NEK4: variants seen among roughly 807,000 people sequenced by gnomAD.
The protein encoded by NEK4 is serine/threonine-protein kinase Nek4.
Under a neutral mutation model 98.4 loss-of-function variants are expected in NEK4, and 86 were observed. The observed-to-expected ratio is 0.87, with a 90% CI of 0.73 to 1.05. The LOEUF is 1.05. Ranked by LOEUF, NEK4 falls within the 50% of genes least tolerant of loss-of-function variation. The pLI, the probability that NEK4 is intolerant of heterozygous loss-of-function variation, is 0.00. For missense variants in NEK4, 898 were observed against 950.3 expected (o/e 0.94, Z 0.72); for synonymous variants, 328 against 342.2 (o/e 0.96, Z 0.46).
At chr3:52,734,795 AT>A in intron 15 of NEK4, 1 of 272,290 alleles carries the variant, frequency 3.7e-6, no homozygotes. Context: ...AACTGTTGGC[AT>A]TGATGATCTG....
chr3:52,746,053 C>T lies in NEK4; in HGVS notation c.1827+8G>A, dbSNP rs2097395506. ...GTTTTTAAAAATCCAGCATATGTTCCCACAAACCTTTGATGATGACATCTC... is the reference window on the plus strand; with the variant it reads ...GTTTTTAAAAATCCAGCATATGTTCTCACAAACCTTTGATGATGACATCTC... On this transcript the variant is annotated splice_region_variant and intron_variant, in intron 10 of 15. Transcript: ENST00000233027. 6.2e-6 allele frequency: 10 copies of T among 1,612,408 alleles called. No individual in the cohort carries two copies. The highest frequency in any genetic ancestry group is 1.3e-5 in the African/African-American group (1 of 74,970).
chr3:52,729,744 C>CA (rs563723629), intron 15 of NEK4, among the ~76,000 whole-genome samples: 2,128 of 93,374 alleles, frequency 0.023, 58 homozygotes, highest in African/African-American at 0.07. Context: ...CTTGACTAGC[C>CA]AAAAAAAAAA....
At chr3:52,737,541 A>C (rs1269371699) in intron 15 of NEK4, 45 bp downstream of exon 15, 29 of 1,601,728 alleles carry the variant, frequency 1.8e-5, no homozygotes, top group Non-Finnish European at 2.4e-5. Context: ...TTGTTTAAAA[A>C]ATTCTATAAC....
At chr3:52,764,802 A>ACACACACACACACG (rs1300730448) in intron 4 of NEK4, among the ~76,000 whole-genome samples, 2 of 152,006 alleles carry the variant, frequency 1.3e-5, no homozygotes, top group African/African-American at 4.8e-5. Context: ...ACACACACAC[A>ACACACACACACACG]CACAGAGTTA....
chr3:52,722,903 G>C (rs1447045707), intron 15 of NEK4, among the ~76,000 whole-genome samples: 2 of 152,050 alleles, frequency 1.3e-5, no homozygotes, highest in African/African-American at 4.8e-5. Flanking sequence ...CTCAGAAAAA[G>C]AAAGTTATGT....
intron 7 of NEK4, among the ~76,000 whole-genome samples, chr3:52,750,771 C>A (rs1273248721): frequency 4.4e-5 from 6 of 134,900 alleles, no homozygotes. Flanking sequence ...CATCTCTCTA[C>A]AAGAAATAGA....
chr3:52,737,487 C>G, intron 15 of NEK4, 99 bp downstream of exon 15: 2 of 1,275,386 alleles, frequency 1.6e-6, no homozygotes, highest in Non-Finnish European at 2.3e-6. Flanking sequence ...GAATTATACA[C>G]TTTAGATGAG....
chr3:52,734,396 G>A (rs2097372965), intron 15 of NEK4, among the ~76,000 whole-genome samples: 1 of 145,986 alleles, frequency 6.8e-6, no homozygotes, highest in Non-Finnish European at 1.5e-5. Context: ...GTTGCGGTGA[G>A]CCAATATCAT....
intron 8 of NEK4, among the ~76,000 whole-genome samples, chr3:52,748,325 T>C (rs901022766): frequency 6.6e-6 from 1 of 152,124 alleles, no homozygotes; most frequent in African/African-American, 2.4e-5. Flanking sequence ...AATGAATGTT[T>C]ATTTGCAGTG....
chr3:52,712,913 T>C (rs2097351811), intron 15 of NEK4, among the ~76,000 whole-genome samples: 1 of 152,154 alleles, frequency 6.6e-6, no homozygotes, highest in Non-Finnish European at 1.5e-5. Flanking sequence ...GGGGTTTTTA[T>C]AGGCACAGGA....
chr3:52,713,521 A>G (rs1464141305), intron 15 of NEK4, among the ~76,000 whole-genome samples: 2 of 152,266 alleles, frequency 1.3e-5, no homozygotes, highest in Non-Finnish European at 2.9e-5. Context: ...TCAGCCAGGC[A>G]TAGTAGCTCA....
At chr3:52,734,213 G>A (rs918460346) in intron 15 of NEK4, among the ~76,000 whole-genome samples, 112 of 152,080 alleles carry the variant, frequency 7.4e-4, no homozygotes, top group Non-Finnish European at 1.4e-3. Context: ...TTGGGAGGCC[G>A]AGGCGGGTGG....
chr3:52,739,493 T>C lies in NEK4; in HGVS notation c.2235A>G (p.Thr745=). 1 of 1,614,162 alleles carries C rather than the reference T, an allele frequency of 6.2e-7. No homozygotes were observed. Among genetic ancestry groups the C allele is most frequent in the Non-Finnish European group, 8.5e-7 (1 of 1,179,982 alleles). Residue 745 remains threonine (T), a synonymous_variant, in exon 14 of 16, where the codon ACA becomes ACG. Transcript: ENST00000233027. ...EFKLHRKYRD[T]LILHGKVAEE... ...CTGCAACCTTCCCATGAAGTATCAG[T>C]GTGTCCCGATATTTCCGATGAAGTT...
At chr3:52,733,512 T>C (rs1249294260) in intron 15 of NEK4, 1 of 464,056 alleles carries the variant, frequency 2.2e-6, no homozygotes, top group African/African-American at 2.1e-5. Context: ...GAAGTCATAC[T>C]GCAGAAAAAC....
At chr3:52,732,629 A>G in intron 15 of NEK4, 1 of 318,694 alleles carries the variant, frequency 3.1e-6, no homozygotes, top group Non-Finnish European at 6.4e-6. Context: ...GAATTCTCTC[A>G]GGAGGAGTGG....
In NEK4 at chr3:52,754,591, G is replaced by T. The variant is rs573731831; in HGVS notation, c.964-2255C>A. Reference sequence around the variant, plus strand: ...AGAGAAAAGATGCTGACTCAGAAAAGCCTGAAGAACAGCACAATAAGTGTA... The same window carrying T: ...AGAGAAAAGATGCTGACTCAGAAAATCCTGAAGAACAGCACAATAAGTGTA... On this transcript the variant is annotated intron_variant, in intron 6 of 15. Coordinates refer to ENST00000233027, the MANE Select transcript of NEK4 (RefSeq NM_003157.6). 2.4e-6 allele frequency: 3 copies of T among 1,234,292 alleles called. No individual in the cohort carries two copies. In the South Asian group the frequency reaches 3.6e-5, roughly 15 times the overall value. The allele number at this position is 1,234,292 out of a possible 1,614,324, so 76.5% of individuals were successfully genotyped here. A position where few individuals can be genotyped will look rare whatever the true frequency, so the allele number is the denominator to read the frequency against.
chr3:52,756,335 T>A (rs1290037685), intron 6 of NEK4, among the ~76,000 whole-genome samples: 1 of 152,220 alleles, frequency 6.6e-6, no homozygotes, highest in African/African-American at 2.4e-5. Flanking sequence ...TCATGCCTCA[T>A]GATTTTAAAA....
intron 2 of NEK4, among the ~76,000 whole-genome samples, chr3:52,766,600 G>C (rs917876874): frequency 1.3e-5 from 2 of 152,318 alleles, no homozygotes; most frequent in East Asian, 3.9e-4. Flanking sequence ...AGAAAATTAA[G>C]TTCCATGTGT....
At chr3:52,715,614 C>T (rs1288020143) in intron 15 of NEK4, among the ~76,000 whole-genome samples, 1 of 152,132 alleles carries the variant, frequency 6.6e-6, no homozygotes, top group Non-Finnish European at 1.5e-5. Context: ...TGGTCTTGAA[C>T]TCCTGACCTC....
Sources: allele counts gnomAD v4.1 joint callset (sites outside exome capture counted in the v4.1 genomes callset), GRCh38; gene constraint gnomAD v4.1.1; transcripts MANE v1.5; gene names NCBI Gene and HGNC (gene_info 2026-07-23, HGNC 2026-07-21).